Variants in PSD3 observed in about 807,000 individuals in gnomAD.
PSD3 encodes the protein PH and SEC7 domain-containing protein 3.
A neutral mutation model predicts 105.5 loss-of-function variants in PSD3; 49 were observed. The observed-to-expected ratio is 0.46, with a 90% confidence interval of 0.37 to 0.59. The LOEUF (loss-of-function observed/expected upper bound fraction) is 0.59. PSD3 is among the 20% of genes least tolerant of loss of function. The pLI is 0.00. For synonymous variants in PSD3, 557 were observed against 457.8 expected (o/e 1.22, Z -2.77); for missense variants, 1,561 against 1,263.8 (o/e 1.24, Z -3.57).
At chr8:18,734,711 G>A (rs1804018338) in intron 9 of PSD3, among the ~76,000 whole-genome samples, 1 of 152,146 alleles carries the variant, frequency 6.6e-6, no homozygotes, top group Admixed American at 6.5e-5. Context: ...GAGGTGACTG[G>A]GTTAGAATAT....
intron 1 of PSD3, among the ~76,000 whole-genome samples, chr8:18,970,454 G>A (rs988013882): frequency 6.6e-6 from 1 of 151,166 alleles, no homozygotes; most frequent in Non-Finnish European, 1.5e-5. Flanking sequence ...TTCCCTAAAG[G>A]TCTGGAAAAA....
At chr8:18,773,176 GA>G (rs1304513150) in intron 8 of PSD3, among the ~76,000 whole-genome samples, 2 of 152,096 alleles carry the variant, frequency 1.3e-5, no homozygotes, top group African/African-American at 4.8e-5. Flanking sequence ...TTAAAACATT[GA>G]GATAATTTTT....
intron 14 of PSD3, among the ~76,000 whole-genome samples, chr8:18,561,014 T>C (rs1221645032): frequency 1.3e-5 from 2 of 152,194 alleles, no homozygotes; most frequent in East Asian, 3.8e-4. Context: ...CAGGAAAATC[T>C]GGAAAACTGT....
intron 9 of PSD3, among the ~76,000 whole-genome samples, chr8:18,742,284 C>T (rs1162656173): frequency 4.6e-5 from 7 of 152,002 alleles, no homozygotes; most frequent in Non-Finnish European, 8.8e-5. Flanking sequence ...ACCAACCAAC[C>T]AAGCAACCAA....
At chr8:18,542,563 C>A (rs1468441645) in intron 15 of PSD3, among the ~76,000 whole-genome samples, 1 of 152,152 alleles carries the variant, frequency 6.6e-6, no homozygotes, top group Non-Finnish European at 1.5e-5. Flanking sequence ...AATATAATTT[C>A]AGGCCACAAA....
In PSD3 at chr8:18,767,209, C is replaced by T. The variant is rs972943284; in HGVS notation, c.2083-1671G>A. 6.6e-5 allele frequency among the ~76,000 whole-genome samples: 10 copies of T among 152,236 alleles called. No individual in the cohort carries two copies. The East Asian group carries it at 1.9e-3, about 29-fold the overall frequency. On this transcript the variant is annotated intron_variant, in intron 8 of 15. Coordinates refer to ENST00000327040, the MANE Select transcript of PSD3 (RefSeq NM_015310.4). The stretch of plus-strand genomic sequence containing the variant: ...TAAAGTAATTAGAAAATCCAAACTA[C>T]AAAAAGAGCAAAGATATAAACAAAC...
chr8:18,923,411 A>T (rs1335045535), intron 2 of PSD3, among the ~76,000 whole-genome samples: 1 of 152,148 alleles, frequency 6.6e-6, no homozygotes, highest in Non-Finnish European at 1.5e-5. Context: ...AATCCTAGAA[A>T]TTTTAAGAGG....
At chr8:18,871,567 A>T in intron 3 of PSD3, 59 bp downstream of exon 3, 1 of 1,520,688 alleles carries the variant, frequency 6.6e-7, no homozygotes, top group South Asian at 1.3e-5. Flanking sequence ...GTACAGGATA[A>T]CAGTTTTCTA....
intron 10 of PSD3, among the ~76,000 whole-genome samples, chr8:18,644,829 G>A (rs1024542431): frequency 1.3e-5 from 2 of 152,162 alleles, no homozygotes; most frequent in African/African-American, 2.4e-5. Context: ...TGCTGTGAAA[G>A]AATTCCACAA....
At chr8:18,559,492 T>C (rs968391708) in intron 14 of PSD3, among the ~76,000 whole-genome samples, 1 of 152,142 alleles carries the variant, frequency 6.6e-6, no homozygotes, top group Admixed American at 6.5e-5. Context: ...ATTTATAATA[T>C]ATATGTTAAG....
At chr8:18,933,235 C>A (rs1023458896) in intron 2 of PSD3, among the ~76,000 whole-genome samples, 4 of 152,168 alleles carry the variant, frequency 2.6e-5, no homozygotes, top group Non-Finnish European at 5.9e-5. Flanking sequence ...TTTGCCTCGG[C>A]TATGATATAT....
chr8:18,720,496 C>T (rs186699256), intron 9 of PSD3, among the ~76,000 whole-genome samples: 14 of 152,222 alleles, frequency 9.2e-5, no homozygotes, highest in Non-Finnish European at 1.6e-4. Flanking sequence ...CCTCAGACTA[C>T]CTGGAATTAT....
intron 9 of PSD3, among the ~76,000 whole-genome samples, chr8:18,708,675 T>C (rs535210911): frequency 2.8e-4 from 43 of 152,084 alleles, no homozygotes; most frequent in African/African-American, 1.0e-3. Context: ...AAAGAAATGC[T>C]AGTCAAGAAA....
intron 4 of PSD3, among the ~76,000 whole-genome samples, chr8:18,828,776 C>A (rs1468684268): frequency 6.6e-6 from 1 of 152,132 alleles, no homozygotes; most frequent in East Asian, 1.9e-4. Flanking sequence ...GCCTGGCCAA[C>A]ATGGCAAAAC....
At chr8:19,007,414 TA>T (rs1826738256) in intron 1 of PSD3, among the ~76,000 whole-genome samples, 1 of 152,096 alleles carries the variant, frequency 6.6e-6, no homozygotes, top group South Asian at 2.1e-4. Context: ...ATTCAGTTCT[TA>T]AATCTCACTA....
intron 9 of PSD3, among the ~76,000 whole-genome samples, chr8:18,666,019 C>T (rs1012945947): frequency 6.6e-6 from 1 of 152,180 alleles, no homozygotes; most frequent in East Asian, 1.9e-4. Flanking sequence ...CTGAAGGCTC[C>T]AATGACACAC....
At chr8:18,942,504 T>C (rs1822613045) in intron 1 of PSD3, among the ~76,000 whole-genome samples, 1 of 152,224 alleles carries the variant, frequency 6.6e-6, no homozygotes, top group African/African-American at 2.4e-5. Flanking sequence ...ATTTATATGT[T>C]GAAGTCCTAA....
intron 12 of PSD3, among the ~76,000 whole-genome samples, chr8:18,583,854 C>CA (rs1802979635): frequency 6.6e-6 from 1 of 152,108 alleles, no homozygotes; most frequent in African/African-American, 2.4e-5. Flanking sequence ...ATCTTGCTCA[C>CA]AATCATATCT....
At chr8:18,685,901 G>A (rs867209648) in intron 9 of PSD3, among the ~76,000 whole-genome samples, 2 of 152,116 alleles carry the variant, frequency 1.3e-5, no homozygotes, top group African/African-American at 4.8e-5. Flanking sequence ...TCTGTGTGGG[G>A]ATAAAGACAG....
Sources: allele counts gnomAD v4.1 joint callset (sites outside exome capture counted in the v4.1 genomes callset), GRCh38; gene constraint gnomAD v4.1.1; transcripts MANE v1.5; gene names NCBI Gene and HGNC (gene_info 2026-07-23, HGNC 2026-07-21).